The following LRRFIP2 variants were observed in gnomAD, a reference collection of about 807,000 sequenced individuals.
LRRFIP2 encodes the protein LRR binding FLII interacting protein 2.
In LRRFIP2, 109 loss-of-function variants were observed where a neutral mutation model predicts 125.9. The observed-to-expected ratio is 0.87, with a 90% confidence interval of 0.74 to 1.01. The LOEUF is 1.01. Among genes scored for constraint, LRRFIP2 ranks in the 50% least tolerant of loss-of-function variants. LRRFIP2 has a pLI of 0.00. For synonymous variants in LRRFIP2, 291 were observed against 293.1 expected (o/e 0.99, Z 0.07); for missense variants, 850 against 862.3 (o/e 0.99, Z 0.18).
intron 6 of LRRFIP2, among the ~76,000 whole-genome samples, chr3:37,117,856 G>C (rs1044746386): frequency 1.3e-5 from 2 of 152,170 alleles, no homozygotes; most frequent in African/African-American, 4.8e-5. Flanking sequence ...TTCCTTTTGG[G>C]TGTACTGGCT....
intron 18 of LRRFIP2, among the ~76,000 whole-genome samples, chr3:37,090,801 A>G (rs1195884605): frequency 6.6e-6 from 1 of 152,180 alleles, no homozygotes; most frequent in Non-Finnish European, 1.5e-5. Flanking sequence ...CTATAGGTTA[A>G]AAAAATCCAA....
intron 19 of LRRFIP2, among the ~76,000 whole-genome samples, chr3:37,082,360 T>C (rs1455530326): frequency 6.6e-6 from 1 of 152,204 alleles, no homozygotes; most frequent in Non-Finnish European, 1.5e-5. Context: ...CAATCCTAAA[T>C]AAACAATTTT....
At chr3:37,064,887 G>C (rs1308591190) in intron 23 of LRRFIP2, 1 of 152,132 alleles carries the variant, frequency 6.6e-6, no homozygotes, top group East Asian at 1.9e-4. Context: ...GAAACACTCT[G>C]GGCTGCCTAT....
intron 23 of LRRFIP2, 165 bp downstream of exon 23, chr3:37,065,645 A>AC: frequency 1.2e-6 from 1 of 835,940 alleles, no homozygotes; most frequent in Non-Finnish European, 2.0e-6. Flanking sequence ...CCCAAGGTCA[A>AC]GGATGTCTGA....
Position 37,055,112 on chromosome 3 carries a change from G to T in LRRFIP2, c.1924C>A (p.Gln642Lys). Residue 642 changes from glutamine to lysine, a missense_variant, in exon 26 of 28, where the codon CAG becomes AAG. Gln to Lys is a moderately conservative substitution (Grantham distance 53). Coordinates refer to ENST00000336686, the MANE Select transcript of LRRFIP2 (RefSeq NM_006309.4). ...EYKFKLSKAE[Q>K]DITTLEQSIS... ...CTTTGCTCCAAGGTAGTTATATCCT[G>T]TTCTGCTTTTGAAAGCTTAAATTTG... The T allele has an allele frequency of 1.3e-6, 2 of 1,596,272 alleles. No individual in the cohort carries two copies. The highest frequency in any genetic ancestry group is 8.5e-7 in the Non-Finnish European group (1 of 1,173,694).
intron 3 of LRRFIP2, 72 bp downstream of exon 3, chr3:37,128,991 A>T: frequency 3.0e-6 from 4 of 1,339,796 alleles, no homozygotes; most frequent in Non-Finnish European, 4.3e-6. Flanking sequence ...CCAGATTCAC[A>T]TCAGAATAAA....
intron 1 of LRRFIP2, among the ~76,000 whole-genome samples, chr3:37,173,943 C>T (rs1012573929): frequency 6.6e-6 from 1 of 152,166 alleles, no homozygotes; most frequent in African/African-American, 2.4e-5. Flanking sequence ...GCATATTTAC[C>T]TATCAAGACT....
intron 19 of LRRFIP2, among the ~76,000 whole-genome samples, chr3:37,079,131 A>G (rs1319780543): frequency 3.9e-5 from 6 of 152,228 alleles, no homozygotes; most frequent in Non-Finnish European, 5.9e-5. Context: ...TTTAAAATGG[A>G]CAAAGGATCT....
At chr3:37,137,135 A>ATTTTTG (rs771572567) in intron 2 of LRRFIP2, among the ~76,000 whole-genome samples, 5 of 151,834 alleles carry the variant, frequency 3.3e-5, no homozygotes, top group East Asian at 1.9e-4. Context: ...CATCCAAACA[A>ATTTTTG]TTTTTGTTTT....
In LRRFIP2 at chr3:37,065,938, T is replaced by C; in HGVS notation, c.1571A>G (p.His524Arg). Residue 524 changes from histidine to arginine, a missense_variant, in exon 23 of 28, where the codon CAT (histidine) becomes CGT (arginine). By Grantham distance (29) the His-to-Arg change is conservative. Transcript: ENST00000336686. ...GCCATCGGGGATTATAACTAAGCCA[T>C]GTTTCTGCAGGGGGGAAAAACCCAC... ...LQETVKTGEK[H>R]GLVIIPDGTP... 3.1e-6 allele frequency: 5 copies of C among 1,614,100 alleles called. No homozygotes were observed. The highest frequency in any genetic ancestry group is 4.2e-6 in the Non-Finnish European group (5 of 1,179,998).
intron 6 of LRRFIP2, among the ~76,000 whole-genome samples, chr3:37,119,955 C>T (rs1337187540): frequency 6.6e-6 from 1 of 152,056 alleles, no homozygotes; most frequent in East Asian, 1.9e-4. Flanking sequence ...AGCCACCGCT[C>T]CCGGCCTTTT....
At chr3:37,170,436 A>G (rs943500348) in intron 1 of LRRFIP2, 1 of 152,258 alleles carries the variant, frequency 6.6e-6, no homozygotes, top group Non-Finnish European at 1.5e-5. Flanking sequence ...AAGACACCAC[A>G]TAGTACAAAC....
intron 25 of LRRFIP2, among the ~76,000 whole-genome samples, chr3:37,055,534 C>G (rs2086578484): frequency 2.6e-5 from 4 of 152,118 alleles, no homozygotes; most frequent in Admixed American, 2.6e-4. Flanking sequence ...CCACTGCACT[C>G]CAGCCTGGCA....
intron 1 of LRRFIP2, among the ~76,000 whole-genome samples, chr3:37,167,196 CCAA>C (rs1560175402): frequency 2.3e-4 from 13 of 55,818 alleles, no homozygotes; most frequent in Non-Finnish European, 4.7e-4. Context: ...AATCTTGTCT[CCAA>C]AAAAAAAAAA....
intron 1 of LRRFIP2, among the ~76,000 whole-genome samples, chr3:37,156,402 G>T (rs146071804): frequency 0.034 from 5,123 of 151,846 alleles, 117 homozygotes; most frequent in Non-Finnish European, 0.046. Context: ...GGCCAGGCAC[G>T]GTGGCTCATG....
At chr3:37,168,059 T>C (rs754476161) in intron 1 of LRRFIP2, among the ~76,000 whole-genome samples, 1 of 152,208 alleles carries the variant, frequency 6.6e-6, no homozygotes, top group African/African-American at 2.4e-5. Flanking sequence ...CCTTGTGCAT[T>C]GCTGGTGGTA....
At chr3:37,129,558 ACT>A (rs1381164934) in intron 2 of LRRFIP2, among the ~76,000 whole-genome samples, 1 of 152,106 alleles carries the variant, frequency 6.6e-6, no homozygotes, top group Admixed American at 6.6e-5. Context: ...ATTCTCTACC[ACT>A]GAGTCTCTAT....
At chr3:37,163,232 G>A (rs765565154) in intron 1 of LRRFIP2, among the ~76,000 whole-genome samples, 6 of 152,178 alleles carry the variant, frequency 3.9e-5, no homozygotes, top group African/African-American at 9.7e-5. Context: ...CACAGCCTCA[G>A]TTGATGCTTG....
chr3:37,158,582 G>A (rs1179586989), intron 1 of LRRFIP2, among the ~76,000 whole-genome samples: 2 of 150,802 alleles, frequency 1.3e-5, no homozygotes, highest in African/African-American at 4.9e-5. Context: ...ACTCCAGCCT[G>A]GGTAACAGAG....
Sources: gnomAD v4.1 joint callset for allele counts (sites outside exome capture counted in the v4.1 genomes callset) on GRCh38, gnomAD v4.1.1 for gene constraint, MANE v1.5 for transcripts, NCBI Gene and HGNC (gene_info 2026-07-23, HGNC 2026-07-21) for gene names.